NETO1: variants seen among roughly 807,000 people sequenced by gnomAD.
NETO1 encodes neuropilin and tolloid like 1.
NETO1 carries 26 observed loss-of-function variants against 61.3 expected under a neutral mutation model. The observed-to-expected ratio is 0.42, with a 90% confidence interval of 0.31 to 0.59. NETO1 has a LOEUF of 0.59. Among genes scored for constraint, NETO1 ranks in the 20% least tolerant of loss-of-function variants. NETO1 has a pLI of 0.12. For synonymous variants in NETO1, 225 were observed against 225.8 expected (o/e 1.00, Z 0.03); for missense variants, 531 against 662.8 (o/e 0.80, Z 2.18).
rs1356081597 is a variant in NETO1 at position 72,867,305 on chromosome 18, A to T, written c.-14T>A. 6 of 1,565,122 alleles carry T rather than the reference A, an allele frequency of 3.8e-6. No individual in the cohort carries two copies. The highest frequency in any genetic ancestry group is 3.4e-4 in the Middle Eastern group (2 of 5,940). On this transcript the variant is annotated 5_prime_UTR_variant, in exon 1 of 11. Transcript: ENST00000327305. The stretch of plus-strand genomic sequence containing the variant: ...CCCATGGATCATGTCTGTGCGTTAC[A>T]CCAGAGGCTCCGGGCTCCACTAATT...
chr18:72,807,743 CACACACACACA>C (rs1183230798), intron 4 of NETO1, among the ~76,000 whole-genome samples: 42,110 of 118,630 alleles, frequency 0.35, 6,931 homozygotes, highest in Non-Finnish European at 0.5. Context: ...CACACACACA[CACACACACACA>C]CCCATACTGT....
intron 4 of NETO1, among the ~76,000 whole-genome samples, chr18:72,852,427 C>T (rs969366775): frequency 6.6e-6 from 1 of 152,216 alleles, no homozygotes. Flanking sequence ...GTGTTAGCCA[C>T]GATGGTCTCC....
chr18:72,865,787 T>A, intron 1 of NETO1: 1 of 1,198,612 alleles, frequency 8.3e-7, no homozygotes, highest in African/African-American at 1.5e-5. Context: ...TTGTGGGCAT[T>A]AAGCACCATT....
At chr18:72,781,336 T>A (rs140478863) in intron 7 of NETO1, among the ~76,000 whole-genome samples, 1,710 of 152,302 alleles carry the variant, frequency 0.011, 16 homozygotes, top group Non-Finnish European at 0.017. Context: ...ACTGAAGGAA[T>A]GATTCATTGA....
At chr18:72,847,649 A>G (rs1399166382) in intron 4 of NETO1, among the ~76,000 whole-genome samples, 1 of 152,224 alleles carries the variant, frequency 6.6e-6, no homozygotes, top group Non-Finnish European at 1.5e-5. Flanking sequence ...AAAAAGATAT[A>G]CACATACAGT....
chr18:72,835,257 A>C (rs539121384), intron 4 of NETO1: 2 of 1,548,364 alleles, frequency 1.3e-6, no homozygotes, highest in East Asian at 4.6e-5. Flanking sequence ...CAGAGATGAG[A>C]TGATGGAGAA....
In NETO1 at chr18:72,772,793, T is replaced by TTCTC. The variant is rs71166423; in HGVS notation, c.868+10881_868+10884dup. Among the ~76,000 whole-genome samples, 144 of 58,874 alleles carry TTCTC rather than the reference T, an allele frequency of 2.4e-3. 1 individual carries two copies. Among genetic ancestry groups the TTCTC allele is most frequent in the Non-Finnish European group, 3.2e-3 (98 of 30,650 alleles). The allele number at this position is 58,874 out of a possible 152,430, so 38.6% of individuals were successfully genotyped here. A position where few individuals can be genotyped will look rare whatever the true frequency, so the allele number is the denominator to read the frequency against. On this transcript the variant is annotated intron_variant, in intron 7 of 10. Coordinates refer to ENST00000327305, the MANE Select transcript of NETO1 (RefSeq NM_138966.5). Reference sequence around the variant, plus strand: ...TATATATATACAGATCTCTATATAGTTCTCTCTCTCTCTCTCTCTCTCTCT... The same window carrying TTCTC: ...TATATATATACAGATCTCTATATAGTTCTCTCTCTCTCTCTCTCTCTCTCTCTCT...
At chr18:72,836,816 G>A (rs928197105) in intron 4 of NETO1, among the ~76,000 whole-genome samples, 4 of 152,038 alleles carry the variant, frequency 2.6e-5, no homozygotes, top group East Asian at 1.9e-4. Flanking sequence ...TTTTTGTTTC[G>A]TGTATCTCGG....
chr18:72,818,619 T>C (rs1361218001), intron 4 of NETO1, among the ~76,000 whole-genome samples: 1 of 152,224 alleles, frequency 6.6e-6, no homozygotes, highest in African/African-American at 2.4e-5. Flanking sequence ...TTTTTCCAGA[T>C]TTTAAAGTCA....
chr18:72,745,869 T>TA lies in NETO1; in HGVS notation c.*2309dup, dbSNP rs1210253479. 3.3e-5 allele frequency: 5 copies of TA among 152,232 alleles called. No individual in the cohort carries two copies. Among genetic ancestry groups the TA allele is most frequent in the Non-Finnish European group, 7.3e-5 (5 of 68,046 alleles). 9.4% of individuals were successfully genotyped at this position (152,232 alleles called of 1,614,324 possible). ...TTCTTTCATGATTAGTCTGTGTCTG[T>TA]ACATTGTTGAGAAATTTTAGAGTTA... On this transcript the variant is annotated 3_prime_UTR_variant, in exon 11 of 11. Transcript: ENST00000327305.
Position 72,818,104 on chromosome 18 carries a change from T to G in NETO1, c.470-23700A>C, listed in dbSNP as rs537795455. Among the ~76,000 whole-genome samples the G allele has an allele frequency of 2.7e-4, 41 of 152,316 alleles. No individual in the cohort carries two copies. In the East Asian group the frequency reaches 3.7e-3, roughly 14 times the overall value. On this transcript the variant is annotated intron_variant, in intron 4 of 10. Coordinates refer to ENST00000327305, the MANE Select transcript of NETO1 (RefSeq NM_138966.5). ...TCAGCTTTCGTAACCTTTGCACTGCTTGACTTTCAGTAGTTACTATTAATC... is the reference window on the plus strand; with the variant it reads ...TCAGCTTTCGTAACCTTTGCACTGCGTGACTTTCAGTAGTTACTATTAATC...
intron 4 of NETO1, among the ~76,000 whole-genome samples, chr18:72,833,098 A>C (rs1290899740): frequency 6.6e-6 from 1 of 152,198 alleles, no homozygotes; most frequent in Non-Finnish European, 1.5e-5. Flanking sequence ...TGTGAATTCA[A>C]CTTAAAGACT....
chr18:72,789,112 C>A (rs1176467793), intron 6 of NETO1, among the ~76,000 whole-genome samples: 2 of 151,870 alleles, frequency 1.3e-5, no homozygotes, highest in Non-Finnish European at 2.9e-5. Flanking sequence ...GGTTTATAAA[C>A]TTATGTAGAA....
At chr18:72,777,608 T>C (rs1187380536) in intron 7 of NETO1, among the ~76,000 whole-genome samples, 3 of 151,306 alleles carry the variant, frequency 2.0e-5, no homozygotes, top group Non-Finnish European at 4.4e-5. Context: ...CAGGGCGTGG[T>C]GGCGGGTGCC....
chr18:72,823,576 G>A (rs777923150), intron 4 of NETO1, among the ~76,000 whole-genome samples: 18 of 152,084 alleles, frequency 1.2e-4, no homozygotes, highest in Admixed American at 2.6e-4. Flanking sequence ...GTGAGAAGAC[G>A]GGAGTTAAAA....
At chr18:72,864,380 C>T (rs1207264130) in intron 3 of NETO1, among the ~76,000 whole-genome samples, 1 of 152,168 alleles carries the variant, frequency 6.6e-6, no homozygotes, top group African/African-American at 2.4e-5. Context: ...ATTATAGATT[C>T]ATCTTTGACA....
intron 6 of NETO1, among the ~76,000 whole-genome samples, chr18:72,793,546 T>C (rs2072207743): frequency 6.6e-6 from 1 of 152,096 alleles, no homozygotes; most frequent in Non-Finnish European, 1.5e-5. Flanking sequence ...TGAGAAATAA[T>C]GGAGGGTTTG....
At chr18:72,844,507 A>T (rs2074026906) in intron 4 of NETO1, among the ~76,000 whole-genome samples, 1 of 152,172 alleles carries the variant, frequency 6.6e-6, no homozygotes, top group South Asian at 2.1e-4. Flanking sequence ...TCGCAATCTG[A>T]ATCAGACTTC....
chr18:72,864,811 C>G lies in NETO1; in HGVS notation c.217G>C (p.Glu73Gln), dbSNP rs757538270. 6.2e-7 allele frequency: 1 copy of G among 1,613,752 alleles called. No individual in the cohort carries two copies. The highest frequency in any genetic ancestry group is 8.5e-7 in the Non-Finnish European group (1 of 1,179,918). The change falls in exon 3 of 11, where the codon GAA becomes CAA. Residue 73 changes from glutamate to glutamine, a missense_variant. Coordinates refer to ENST00000327305, the MANE Select transcript of NETO1 (RefSeq NM_138966.5). ...CTCTGGCACTGTCTCCCCTTACCTT[C>G]TATGATGTAGATGCATTCCCGGTCA... ...PPDRECIYIIEAAPRQCIELY... is the reference protein window; with the variant it reads ...PPDRECIYIIQAAPRQCIELY...
Sources: gnomAD v4.1 joint callset for allele counts (sites outside exome capture counted in the v4.1 genomes callset) on GRCh38, gnomAD v4.1.1 for gene constraint, MANE v1.5 for transcripts, NCBI Gene and HGNC (gene_info 2026-07-23, HGNC 2026-07-21) for gene names.